ADGRG5: variants seen among roughly 807,000 people sequenced by gnomAD.
ADGRG5 encodes adhesion G protein-coupled receptor G5.
Under a neutral mutation model 53.2 loss-of-function variants are expected in ADGRG5, and 37 were observed. The ratio of observed to expected loss-of-function variants is 0.70; its 90% CI spans 0.53 to 0.91. The LOEUF is 0.91. Ranked by LOEUF, ADGRG5 falls within the 40% of genes least tolerant of loss-of-function variation. ADGRG5 has a pLI of 0.00. For missense variants in ADGRG5, 614 were observed against 675.8 expected (o/e 0.91, Z 1.01); for synonymous variants, 277 against 290.4 (o/e 0.95, Z 0.47).
intron 1 of ADGRG5, among the ~76,000 whole-genome samples, chr16:57,545,726 A>C (rs549685081): frequency 3.3e-5 from 5 of 152,230 alleles, no homozygotes; most frequent in African/African-American, 4.8e-5. Flanking sequence ...TTATTTAATT[A>C]GTCCCGTGTT....
intron 1 of ADGRG5, among the ~76,000 whole-genome samples, chr16:57,551,570 A>G (rs1490234036): frequency 6.6e-6 from 1 of 152,208 alleles, no homozygotes; most frequent in South Asian, 2.1e-4. Context: ...GCAGCAATTC[A>G]GTCACATCTT....
At chr16:57,564,371 A>G (rs946206623) in intron 5 of ADGRG5, among the ~76,000 whole-genome samples, 3 of 147,586 alleles carry the variant, frequency 2.0e-5, no homozygotes, top group Non-Finnish European at 4.4e-5. Flanking sequence ...GTGCAGTGGC[A>G]TGATCTCGGC....
chr16:57,562,031 T>C, intron 1 of ADGRG5, 25 bp from the exon 2 acceptor site: 1 of 1,360,850 alleles, frequency 7.3e-7, no homozygotes, highest in Non-Finnish European at 1.0e-6. Flanking sequence ...TTTATCATCA[T>C]GGTGATGGCA....
chr16:57,560,741 T>G (rs1320822097), intron 1 of ADGRG5, among the ~76,000 whole-genome samples: 2 of 152,130 alleles, frequency 1.3e-5, no homozygotes, highest in African/African-American at 4.8e-5. Flanking sequence ...GGGGACTGAG[T>G]TGGGCATTTT....
chr16:57,571,345 C>T lies in ADGRG5; in HGVS notation c.1208+810C>T, dbSNP rs530954116. ...ACCTGAGAAACAGGCAGCTTAAGAACTCTACCTGAGGAGCCCTAGCCAGTC... is the reference window on the plus strand; with the variant it reads ...ACCTGAGAAACAGGCAGCTTAAGAATTCTACCTGAGGAGCCCTAGCCAGTC... On this transcript the variant is annotated intron_variant, in intron 10 of 11. Transcript: ENST00000349457. 6.1e-4 allele frequency among the ~76,000 whole-genome samples: 93 copies of T among 152,234 alleles called. 2 individuals are homozygous for T. In the South Asian group the frequency reaches 0.018, roughly 30 times the overall value.
intron 10 of ADGRG5, among the ~76,000 whole-genome samples, chr16:57,572,289 C>T (rs2033384677): frequency 1.3e-5 from 2 of 152,180 alleles, no homozygotes; most frequent in South Asian, 2.1e-4. Context: ...TCCTGGCTAA[C>T]ACAGTGAAAC....
chr16:57,549,439 G>A (rs2032696902), intron 1 of ADGRG5, among the ~76,000 whole-genome samples: 1 of 152,148 alleles, frequency 6.6e-6, no homozygotes, highest in Non-Finnish European at 1.5e-5. Flanking sequence ...CCCTCTTGAA[G>A]CCTTGCAAGT....
intron 1 of ADGRG5, among the ~76,000 whole-genome samples, chr16:57,553,827 C>A (rs761243645): frequency 2.6e-4 from 39 of 152,252 alleles, no homozygotes; most frequent in Non-Finnish European, 3.8e-4. Context: ...TATTAGCCTC[C>A]TAAAATGAAT....
chr16:57,529,694 T>G, the ADGRG5 span, among the ~76,000 whole-genome samples: 5 of 152,170 alleles, frequency 3.3e-5, no homozygotes, highest in Non-Finnish European at 7.3e-5. This position sits in a 1 kb window ranked among gnomAD's most constrained non-coding sequence, Gnocchi z 4.1. Flanking sequence ...TGCACTGGGC[T>G]AACTCTTCTC....
chr16:57,572,202 G>A (rs1029730882), intron 10 of ADGRG5, among the ~76,000 whole-genome samples: 7 of 151,878 alleles, frequency 4.6e-5, no homozygotes, highest in East Asian at 1.9e-4. Flanking sequence ...CAGGCCAGGC[G>A]TGGTGGCTCA....
chr16:57,562,420 T>A lies in ADGRG5; in HGVS notation c.101T>A (p.Met34Lys). 1 of 1,607,962 alleles carries A rather than the reference T, an allele frequency of 6.2e-7. No homozygotes were observed. The highest frequency in any genetic ancestry group is 8.5e-7 in the Non-Finnish European group (1 of 1,177,758). ...GAACTCCTGAGCTACATGGAGAATA[T>A]GCAGGTGTCCAGGGGCCGGAGCTCA... is the stretch of plus-strand genomic sequence containing the variant. Reference protein sequence around the residue: ...WEELLSYMENMQVSRGRSSVF... With the variant: ...WEELLSYMENKQVSRGRSSVF... Residue 34 changes from methionine to lysine, a missense_variant, in exon 3 of 12, where the codon ATG becomes AAG. By Grantham distance (95) the Met-to-Lys change is moderately conservative. Coordinates refer to ENST00000349457, the MANE Select transcript of ADGRG5 (RefSeq NM_001304376.3).
chr16:57,540,284 G>A (rs2146737559), upstream of ADGRG5, among the ~76,000 whole-genome samples: 1 of 152,260 alleles, frequency 6.6e-6, no homozygotes, highest in South Asian at 2.1e-4. Flanking sequence ...AAACAGTTTA[G>A]CTCTAAGCTG....
At chr16:57,537,076 C>A in the ADGRG5 span, among the ~76,000 whole-genome samples, 1 of 152,186 alleles carries the variant, frequency 6.6e-6, no homozygotes, top group Admixed American at 6.5e-5. Flanking sequence ...AGCAACCTTG[C>A]GCTTGTTAAG....
chr16:57,554,070 A>AT (rs1567615547), intron 1 of ADGRG5, among the ~76,000 whole-genome samples: 1 of 151,728 alleles, frequency 6.6e-6, no homozygotes, highest in African/African-American at 2.4e-5. Flanking sequence ...CCTATTTTCT[A>AT]TTTTTTCTTG....
the ADGRG5 span, among the ~76,000 whole-genome samples, chr16:57,533,717 G>C: frequency 6.6e-6 from 1 of 150,840 alleles, no homozygotes; most frequent in Non-Finnish European, 1.5e-5. Flanking sequence ...TACAGCCCCG[G>C]TAATGCACAG....
chr16:57,544,710 C>T lies in ADGRG5; in HGVS notation c.-39+2009C>T, dbSNP rs530368039. Among the ~76,000 whole-genome samples the T allele has an allele frequency of 2.6e-5, 4 of 152,286 alleles. No individual in the cohort carries two copies. In the South Asian group the frequency reaches 8.3e-4, roughly 32 times the overall value. ...GCTGTCAGGTCCTCCACTACTGGGC[C>T]TGAGTTATCTCTCCTGAATGAGTTC... is the stretch of plus-strand genomic sequence containing the variant. On this transcript the variant is annotated intron_variant, in intron 1 of 11. Transcript: ENST00000349457.
At chr16:57,546,444 T>C (rs2032622675) in intron 1 of ADGRG5, among the ~76,000 whole-genome samples, 1 of 152,194 alleles carries the variant, frequency 6.6e-6, no homozygotes. Context: ...ATTTTTATAT[T>C]GGGTTAGACT....
chr16:57,567,330 G>A (rs906771231), intron 7 of ADGRG5, 140 bp from the exon 8 acceptor site: 71 of 833,628 alleles, frequency 8.5e-5, no homozygotes, highest in Non-Finnish European at 1.1e-4. Flanking sequence ...TATCTGCCAT[G>A]GCCTTGTTCA....
At chr16:57,557,101 G>C (rs189587668) in intron 1 of ADGRG5, among the ~76,000 whole-genome samples, 1 of 151,972 alleles carries the variant, frequency 6.6e-6, no homozygotes, top group African/African-American at 2.4e-5. Context: ...CTAGAGACGG[G>C]TTTTTGCCAT....
Sources: gnomAD v4.1 joint callset for allele counts (sites outside exome capture counted in the v4.1 genomes callset) on GRCh38, gnomAD v4.1.1 for gene constraint, Gnocchi (gnomAD v3.1) non-coding constraint, MANE v1.5 for transcripts, NCBI Gene and HGNC (gene_info 2026-07-23, HGNC 2026-07-21) for gene names.